The following ATP8A1 variants were observed in gnomAD, a reference collection of about 807,000 sequenced individuals.
The protein encoded by ATP8A1 is phospholipid-transporting ATPase IA.
A neutral mutation model predicts 177.7 loss-of-function variants in ATP8A1; 90 were observed. The observed-to-expected ratio is 0.51, with a 90% CI of 0.43 to 0.60. ATP8A1 has a LOEUF of 0.60. ATP8A1 is among the 20% of genes least tolerant of loss of function. ATP8A1 has a pLI of 0.00. For synonymous variants in ATP8A1, 493 were observed against 485.9 expected, an observed-to-expected ratio of 1.01 and a Z score of -0.19; for missense variants, 1,072 against 1,392.8, an observed-to-expected ratio of 0.77 and a Z score of 3.67.
intron 1 of ATP8A1, among the ~76,000 whole-genome samples, chr4:42,654,086 C>T (rs148770667): frequency 3.9e-5 from 6 of 152,310 alleles, no homozygotes; most frequent in Middle Eastern, 3.4e-3. Context: ...TCAGACTCTG[C>T]GTTTAACAAG....
intron 1 of ATP8A1, among the ~76,000 whole-genome samples, chr4:42,652,390 C>T (rs1234444767): frequency 6.6e-6 from 1 of 152,082 alleles, no homozygotes; most frequent in Admixed American, 6.6e-5. Context: ...AATTTATGAA[C>T]CTACTACCAA....
chr4:42,615,811 A>G (rs1211828451), intron 5 of ATP8A1, among the ~76,000 whole-genome samples: 1 of 152,228 alleles, frequency 6.6e-6, no homozygotes, highest in Non-Finnish European at 1.5e-5. Flanking sequence ...AAGCACTTAA[A>G]TATATTTAAA....
intron 6 of ATP8A1, among the ~76,000 whole-genome samples, chr4:42,597,943 TATC>T (rs938419794): frequency 6.6e-6 from 1 of 152,172 alleles, no homozygotes; most frequent in African/African-American, 2.4e-5. Context: ...TCTGGTCAAT[TATC>T]ATATTTCTGG....
chr4:42,494,884 C>T (rs1023959656), intron 24 of ATP8A1, among the ~76,000 whole-genome samples: 1 of 152,156 alleles, frequency 6.6e-6, no homozygotes, highest in African/African-American at 2.4e-5. Context: ...GTTCTTCAGA[C>T]ACAACACCAC....
intron 20 of ATP8A1, among the ~76,000 whole-genome samples, chr4:42,535,884 C>G (rs549213092): frequency 2.0e-5 from 3 of 152,106 alleles, no homozygotes; most frequent in Non-Finnish European, 4.4e-5. Flanking sequence ...ACAATGAAAT[C>G]AAGATGGAAA....
rs534364721 is a variant in ATP8A1 at position 42,483,966 on chromosome 4, A to G, written c.2324+1530T>C. Among the ~76,000 whole-genome samples, 5 of 152,306 alleles carry G rather than the reference A, an allele frequency of 3.3e-5. No homozygotes were observed. The South Asian group carries it at 1.0e-3, about 32-fold the overall frequency. On this transcript the variant is annotated intron_variant, in intron 25 of 36. Coordinates refer to ENST00000381668, the MANE Select transcript of ATP8A1 (RefSeq NM_006095.2). ...AGGGAACTGGCCATTTTATCTTAATACTTCTGTATTCTGTTTCATGTTGTT... is the reference window on the plus strand; with the variant it reads ...AGGGAACTGGCCATTTTATCTTAATGCTTCTGTATTCTGTTTCATGTTGTT...
At chr4:42,563,571 T>C (rs1731057479) in intron 15 of ATP8A1, among the ~76,000 whole-genome samples, 1 of 152,340 alleles carries the variant, frequency 6.6e-6, no homozygotes, top group African/African-American at 2.4e-5. Flanking sequence ...CTCCAGGGCA[T>C]GTCAGAGGTC....
rs1712286975 is a variant in ATP8A1, at chr4:42,409,024, T to A, written c.*3892A>T. The A allele has an allele frequency of 6.6e-6, 1 of 152,210 alleles. No individual in the cohort carries two copies. Among genetic ancestry groups the A allele is most frequent in the Admixed American group, 6.5e-5 (1 of 15,282 alleles). The allele number at this position is 152,210 out of a possible 1,614,324, so 9.4% of individuals were successfully genotyped here. Reference sequence around the variant, plus strand: ...AAGCTAAACAAAAGATTCAATTAAATTTGTTCAAATTTCTTTGTAAAATAA... The same window carrying A: ...AAGCTAAACAAAAGATTCAATTAAAATTGTTCAAATTTCTTTGTAAAATAA... On this transcript the variant is annotated 3_prime_UTR_variant, in exon 37 of 37. Coordinates refer to ENST00000381668, the MANE Select transcript of ATP8A1 (RefSeq NM_006095.2).
chr4:42,473,826 T>TA (rs1440193799), intron 25 of ATP8A1, among the ~76,000 whole-genome samples: 2 of 150,558 alleles, frequency 1.3e-5, no homozygotes, highest in Non-Finnish European at 3.0e-5. Flanking sequence ...TTGTGTTTTT[T>TA]TTTTTTTTGT....
chr4:42,427,120 T>C (rs1244220426), intron 33 of ATP8A1, among the ~76,000 whole-genome samples: 1 of 152,132 alleles, frequency 6.6e-6, no homozygotes, highest in Non-Finnish European at 1.5e-5. Context: ...AAGCTTTATA[T>C]AAAAGGCTTC....
In ATP8A1 at chr4:42,582,101, G is replaced by A. The variant is rs140035757; in HGVS notation, c.723-369C>T. Among the ~76,000 whole-genome samples, 44 of 152,200 alleles carry A rather than the reference G, an allele frequency of 2.9e-4. 1 individual carries two copies. In the East Asian group the frequency reaches 7.2e-3, roughly 25 times the overall value. Reference sequence around the variant, plus strand: ...GTTGGGTCCTCATGAAGGGATTAATGCCCTTATAAAAAGACACTCGAGGAG... The same window carrying A: ...GTTGGGTCCTCATGAAGGGATTAATACCCTTATAAAAAGACACTCGAGGAG... On this transcript the variant is annotated intron_variant, in intron 9 of 36. Transcript: ENST00000381668.
chr4:42,478,085 C>A (rs977859520), intron 25 of ATP8A1, among the ~76,000 whole-genome samples: 2 of 151,602 alleles, frequency 1.3e-5, no homozygotes, highest in Non-Finnish European at 2.9e-5. Flanking sequence ...TTTTGGCGGG[C>A]GGCTCATGCC....
At chr4:42,421,770 T>TA (rs1210053683) in intron 35 of ATP8A1, among the ~76,000 whole-genome samples, 2 of 152,124 alleles carry the variant, frequency 1.3e-5, no homozygotes, top group Non-Finnish European at 2.9e-5. Flanking sequence ...ATATTTCCTA[T>TA]AGTTTAGCCA....
At position 42,409,991 on chromosome 4, in the gene ATP8A1, A is replaced by G. The variant is rs1712404303; in HGVS notation, c.*2925T>C. 6.6e-6 allele frequency: 1 copy of G among 152,198 alleles called. No individual in the cohort carries two copies. 9.4% of individuals were successfully genotyped at this position (152,198 alleles called of 1,614,324 possible). On this transcript the variant is annotated 3_prime_UTR_variant, in exon 37 of 37. Transcript: ENST00000381668. Reference sequence around the variant, plus strand: ...ATTTAGCAGAATACACATTCACCTGACTTGATTAGAAAAAGTTTTCCATTA... The same window carrying G: ...ATTTAGCAGAATACACATTCACCTGGCTTGATTAGAAAAAGTTTTCCATTA...
chr4:42,419,414 G>C (rs924229745), intron 35 of ATP8A1, among the ~76,000 whole-genome samples: 9 of 152,176 alleles, frequency 5.9e-5, no homozygotes, highest in Middle Eastern at 3.2e-3. Context: ...AATGCGATCA[G>C]TGTACCTATA....
intron 22 of ATP8A1, among the ~76,000 whole-genome samples, 179 bp downstream of exon 22, chr4:42,521,981 G>C (rs1324697767): frequency 1.3e-5 from 2 of 152,098 alleles, no homozygotes; most frequent in Admixed American, 1.3e-4. Flanking sequence ...AACCCCAAAG[G>C]CTTCTCAGCA....
Position 42,423,666 on chromosome 4 carries a change from A to T in ATP8A1, c.3163T>A (p.Leu1055Met). The change falls in exon 34 of 37, where the codon TTG becomes ATG. Residue 1055 changes from leucine (L) to methionine (M), a missense_variant. Physicochemically the swap from Leu to Met is conservative, Grantham distance 15 (BLOSUM62 2). This residue lies in a region of ATP8A1 where 316 missense variants were observed against 459.1 expected (regional missense o/e 0.69). Coordinates refer to ENST00000381668, the MANE Select transcript of ATP8A1 (RefSeq NM_006095.2). Reference protein sequence around the residue: ...LFSSGVFWMGLLFIPVASLLL... With the variant: ...LFSSGVFWMGMLFIPVASLLL... Reference sequence around the variant, plus strand: ...AGAGATGCCACAGGGATGAATAACAAGCCCATCCAAAAGACTCCAGAACTG... The same window carrying T: ...AGAGATGCCACAGGGATGAATAACATGCCCATCCAAAAGACTCCAGAACTG... 2 of 1,612,964 alleles carry T rather than the reference A, an allele frequency of 1.2e-6. No individual in the cohort carries two copies. Among genetic ancestry groups the T allele is most frequent in the Non-Finnish European group, 1.7e-6 (2 of 1,179,562 alleles).
At chr4:42,604,894 T>C (rs889144567) in intron 5 of ATP8A1, among the ~76,000 whole-genome samples, 1 of 152,176 alleles carries the variant, frequency 6.6e-6, no homozygotes, top group Non-Finnish European at 1.5e-5. Context: ...CTTGGAGATA[T>C]GCTAAGTGAA....
At chr4:42,569,925 T>C (rs1197399533) in intron 14 of ATP8A1, among the ~76,000 whole-genome samples, 1 of 152,198 alleles carries the variant, frequency 6.6e-6, no homozygotes, top group African/African-American at 2.4e-5. Flanking sequence ...AAGGGGCCCA[T>C]AATACATGAC....
Sources: gnomAD v4.1 joint callset for allele counts (sites outside exome capture counted in the v4.1 genomes callset) on GRCh38, gnomAD v4.1.1 for gene constraint, gnomAD v4.1.1 regional missense constraint, MANE v1.5 for transcripts, NCBI Gene and HGNC (gene_info 2026-07-23, HGNC 2026-07-21) for gene names.